DOCK2: variants seen among roughly 807,000 people sequenced by gnomAD.
DOCK2 encodes dedicator of cytokinesis protein 2.
In DOCK2, 87 loss-of-function variants were observed where a neutral mutation model predicts 248.9. That is an observed-to-expected ratio of 0.35 (90% CI 0.29 to 0.42). The LOEUF (loss-of-function observed/expected upper bound fraction) is 0.42, where lower values mean the gene tolerates loss of function less well. Among genes scored for constraint, DOCK2 ranks in the 10% least tolerant of loss-of-function variants. The probability of loss-of-function intolerance (pLI) is 1.00; values close to 1 mark genes in which losing one functional copy is unlikely to be tolerated. For synonymous variants in DOCK2, 805 were observed against 821.6 expected (o/e 0.98, Z 0.35); for missense variants, 1,747 against 2,300.2 (o/e 0.76, Z 4.92).
chr5:169,709,830 TA>T (rs1761479070), intron 15 of DOCK2, among the ~76,000 whole-genome samples: 1 of 152,244 alleles, frequency 6.6e-6, no homozygotes, highest in African/African-American at 2.4e-5. Context: ...GTCAAGTTCT[TA>T]GAGCCCTTGA....
intron 22 of DOCK2, among the ~76,000 whole-genome samples, chr5:169,738,263 G>A (rs1432699142): frequency 6.6e-6 from 1 of 152,192 alleles, no homozygotes; most frequent in East Asian, 1.9e-4. Flanking sequence ...TCGCATCTGT[G>A]TTTTTAGAAA....
intron 27 of DOCK2, among the ~76,000 whole-genome samples, chr5:169,842,429 C>T (rs1400019228): frequency 6.6e-6 from 1 of 150,998 alleles, no homozygotes; most frequent in Non-Finnish European, 1.5e-5. Context: ...GTGATCTCGG[C>T]TCACTGCAAC....
chr5:169,963,369 G>A (rs1777168547), intron 27 of DOCK2, among the ~76,000 whole-genome samples: 1 of 152,058 alleles, frequency 6.6e-6, no homozygotes, highest in Non-Finnish European at 1.5e-5. Flanking sequence ...CTTTGATTAG[G>A]CCTCCATCCC....
chr5:170,005,598 C>T (rs1361321200), intron 30 of DOCK2, among the ~76,000 whole-genome samples: 1 of 152,096 alleles, frequency 6.6e-6, no homozygotes, highest in South Asian at 2.1e-4. Context: ...GGGACTGACT[C>T]TTACGGGTAG....
chr5:169,677,398 C>T (rs1237036255), intron 6 of DOCK2, among the ~76,000 whole-genome samples: 3 of 152,136 alleles, frequency 2.0e-5, no homozygotes, highest in Non-Finnish European at 4.4e-5. Context: ...CTGAAGGCTG[C>T]CCGCAAACTG....
At chr5:169,661,484 C>A (rs1169753480) in intron 2 of DOCK2, among the ~76,000 whole-genome samples, 2 of 152,130 alleles carry the variant, frequency 1.3e-5, no homozygotes, top group Non-Finnish European at 2.9e-5. Flanking sequence ...AAAATCTAAT[C>A]ATTTAGCAGA....
chr5:169,949,059 A>T (rs568735226), intron 27 of DOCK2, among the ~76,000 whole-genome samples: 8 of 152,336 alleles, frequency 5.3e-5, no homozygotes, highest in Admixed American at 1.3e-4. Context: ...GATATGAAGG[A>T]TGATTATTAA....
chr5:169,896,073 C>T (rs1362956530), intron 27 of DOCK2, among the ~76,000 whole-genome samples: 1 of 152,150 alleles, frequency 6.6e-6, no homozygotes, highest in Non-Finnish European at 1.5e-5. Flanking sequence ...GTTTCCCAGT[C>T]CCATGTCTGA....
chr5:169,907,289 G>A (rs938416237), intron 27 of DOCK2, among the ~76,000 whole-genome samples: 3 of 152,142 alleles, frequency 2.0e-5, no homozygotes, highest in African/African-American at 7.2e-5. Flanking sequence ...AGATGAACAC[G>A]CCCAATTTTA....
At chr5:169,964,814 A>T (rs1777235695) in intron 27 of DOCK2, among the ~76,000 whole-genome samples, 1 of 152,218 alleles carries the variant, frequency 6.6e-6, no homozygotes, top group African/African-American at 2.4e-5. Flanking sequence ...AATGGCATCT[A>T]CTTCTCAATG....
chr5:169,750,021 C>T (rs922404715), intron 23 of DOCK2, among the ~76,000 whole-genome samples: 1 of 152,114 alleles, frequency 6.6e-6, no homozygotes, highest in South Asian at 2.1e-4. Flanking sequence ...GACCAATTGC[C>T]ATGAGAGAGG....
At position 169,654,396 on chromosome 5, in the gene DOCK2, T is replaced by C. The variant is rs1307788361; in HGVS notation, c.44-7T>C. On this transcript the variant is annotated splice_polypyrimidine_tract_variant and splice_region_variant and intron_variant, in intron 1 of 51. Transcript: ENST00000520908. ...CTCACCTAGCTGTCTTTCTTTCTGT[T>C]TCACAGCCATATACAACTTCCAAGG... The C allele has an allele frequency of 1.2e-6, 2 of 1,614,032 alleles. No individual in the cohort carries two copies. The highest frequency in any genetic ancestry group is 1.7e-6 in the Non-Finnish European group (2 of 1,180,008).
intron 26 of DOCK2, among the ~76,000 whole-genome samples, chr5:169,806,528 G>A (rs889789291): frequency 2.6e-5 from 4 of 152,078 alleles, no homozygotes; most frequent in African/African-American, 4.8e-5. Flanking sequence ...AAGCCGAAGA[G>A]TTTAAAACCT....
intron 41 of DOCK2, among the ~76,000 whole-genome samples, 164 bp from the exon 42 acceptor site, chr5:170,055,141 A>G (rs1455506895): frequency 6.6e-6 from 1 of 152,224 alleles, no homozygotes; most frequent in African/African-American, 2.4e-5. Flanking sequence ...CTCAGTGACT[A>G]ACTAGTCATT....
chr5:169,786,447 A>G (rs1765985698), intron 25 of DOCK2, among the ~76,000 whole-genome samples: 1 of 152,186 alleles, frequency 6.6e-6, no homozygotes, highest in Non-Finnish European at 1.5e-5. Flanking sequence ...TCTTGGTTTT[A>G]ATATTTAATG....
At chr5:169,833,895 A>T (rs540484301) in intron 26 of DOCK2, among the ~76,000 whole-genome samples, 2 of 152,198 alleles carry the variant, frequency 1.3e-5, no homozygotes, top group African/African-American at 2.4e-5. Flanking sequence ...TCTCCAACTA[A>T]ATGTCCCAAC....
At chr5:170,055,870 G>A (rs1043922980) in intron 42 of DOCK2, among the ~76,000 whole-genome samples, 11 of 152,218 alleles carry the variant, frequency 7.2e-5, no homozygotes, top group Admixed American at 3.3e-4. Flanking sequence ...AGGAAGTGCC[G>A]TGAAGGCTGA....
At chr5:170,049,364 C>T (rs544672652) in intron 40 of DOCK2, among the ~76,000 whole-genome samples, 175 of 152,204 alleles carry the variant, frequency 1.1e-3, no homozygotes, top group Non-Finnish European at 2.1e-3. Context: ...CCGCCTGCCT[C>T]GGCCTCCCAA....
At chr5:169,968,698 C>A (rs1561857275) in intron 27 of DOCK2, among the ~76,000 whole-genome samples, 1 of 152,074 alleles carries the variant, frequency 6.6e-6, no homozygotes, top group Admixed American at 6.5e-5. Context: ...AATTTTGACT[C>A]CCGCTAGTTA....
Sources: allele counts gnomAD v4.1 joint callset (sites outside exome capture counted in the v4.1 genomes callset), GRCh38; gene constraint gnomAD v4.1.1; transcripts MANE v1.5; gene names NCBI Gene and HGNC (gene_info 2026-07-23, HGNC 2026-07-21).